Variants in DCDC2C observed in about 807,000 individuals in gnomAD.
DCDC2C encodes doublecortin domain-containing protein 2C.
DCDC2C carries 44 observed loss-of-function variants against 45.0 expected under a neutral mutation model. The ratio of observed to expected loss-of-function variants is 0.98; its 90% CI spans 0.77 to 1.26. The LOEUF (loss-of-function observed/expected upper bound fraction) is 1.26, where lower values mean the gene tolerates loss of function less well. DCDC2C is among the 50% of genes most tolerant of loss of function. The pLI is 0.00. For synonymous variants in DCDC2C, 187 were observed against 178.8 expected, an observed-to-expected ratio of 1.05 and a Z score of -0.37; for missense variants, 447 against 468.9, an observed-to-expected ratio of 0.95 and a Z score of 0.43.
chr2:3,754,380 C>G (rs558523257), intron 5 of DCDC2C, among the ~76,000 whole-genome samples: 1 of 152,188 alleles, frequency 6.6e-6, no homozygotes, highest in Non-Finnish European at 1.5e-5. Context: ...GATGGGCTAT[C>G]TGATCTGCAG....
rs1380710382 is a variant in DCDC2C at position 3,761,490 on chromosome 2, G to A, written c.727-6264G>A. 6.6e-6 allele frequency among the ~76,000 whole-genome samples: 1 copy of A among 152,206 alleles called. No homozygotes were observed. Among genetic ancestry groups the A allele is most frequent in the African/African-American group, 2.4e-5 (1 of 41,450 alleles). ...AACAGTAAATTTCACTGTGAAATGAGTGCTTTGGAATTGACATTTGCTGGC... is the reference window on the plus strand; with the variant it reads ...AACAGTAAATTTCACTGTGAAATGAATGCTTTGGAATTGACATTTGCTGGC... On this transcript the variant is annotated intron_variant, in intron 6 of 10. Coordinates refer to ENST00000399143, the MANE Select transcript of DCDC2C (RefSeq NM_001287444.2). The surrounding 1 kb of genome is among the most constrained non-coding windows in gnomAD (Gnocchi z 4.3).
In DCDC2C at chr2:3,727,429, AT is replaced by A. The variant is rs113461369; in HGVS notation, c.416+360del. 9.1e-4 allele frequency among the ~76,000 whole-genome samples: 136 copies of A among 150,070 alleles called. 1 individual carries two copies. Among genetic ancestry groups the A allele is most frequent in the Middle Eastern group, 6.9e-3 (2 of 288 alleles). On this transcript the variant is annotated intron_variant, in intron 3 of 10. Transcript: ENST00000399143. ...TTTTAGGCTCTGAAGCTTTGTTTTG[AT>A]TTTTTTTTTAATGTAGCAGTTGCAG...
chr2:3,704,064 G>T, intron 1 of DCDC2C, 26 bp downstream of exon 1: 2 of 1,243,318 alleles, frequency 1.6e-6, no homozygotes, highest in Non-Finnish European at 2.0e-6. Context: ...CCCCCCACGC[G>T]CCCTGCGCCC....
At chr2:3,811,110 T>C (rs1164832660) in intron 10 of DCDC2C, among the ~76,000 whole-genome samples, 1 of 152,258 alleles carries the variant, frequency 6.6e-6, no homozygotes, top group Non-Finnish European at 1.5e-5. Flanking sequence ...TTTCTAATTC[T>C]GTGAAGAATG....
chr2:3,720,894 G>A (rs966197735), intron 2 of DCDC2C, among the ~76,000 whole-genome samples: 7 of 152,208 alleles, frequency 4.6e-5, no homozygotes, highest in Admixed American at 1.3e-4. Flanking sequence ...TGGGCCTAGC[G>A]TTGTCTTTGT....
At chr2:3,770,605 T>A (rs926287624) in intron 8 of DCDC2C, among the ~76,000 whole-genome samples, 5 of 152,214 alleles carry the variant, frequency 3.3e-5, no homozygotes, top group African/African-American at 1.2e-4. Context: ...ATTGCCCACT[T>A]AAGAGTTTTC....
At chr2:3,837,450 G>A (rs984110689) in intron 10 of DCDC2C, among the ~76,000 whole-genome samples, 2 of 152,242 alleles carry the variant, frequency 1.3e-5, no homozygotes, top group East Asian at 1.9e-4. Flanking sequence ...GGGGACACTC[G>A]GAGGGAACTA....
intron 6 of DCDC2C, among the ~76,000 whole-genome samples, chr2:3,756,003 T>C (rs938900362): frequency 6.6e-6 from 1 of 152,070 alleles, no homozygotes; most frequent in African/African-American, 2.4e-5. Context: ...GAAACATTTG[T>C]GTGTGTAGAT....
intron 9 of DCDC2C, among the ~76,000 whole-genome samples, chr2:3,781,886 A>G (rs550760992): frequency 6.6e-6 from 1 of 152,254 alleles, no homozygotes; most frequent in African/African-American, 2.4e-5. Flanking sequence ...AACAACAATT[A>G]CTACTATATA....
At chr2:3,797,393 A>G (rs1216217080) in intron 10 of DCDC2C, among the ~76,000 whole-genome samples, 1 of 150,848 alleles carries the variant, frequency 6.6e-6, no homozygotes, top group Non-Finnish European at 1.5e-5. Context: ...GATTTTAGTT[A>G]TTTCTTGCCT....
chr2:3,750,412 G>A (rs944902801), intron 4 of DCDC2C, among the ~76,000 whole-genome samples: 5 of 152,044 alleles, frequency 3.3e-5, no homozygotes, highest in Non-Finnish European at 5.9e-5. Context: ...ATTTAACCAC[G>A]TCCTCTAAAA....
chr2:3,712,262 C>T (rs745466918), intron 2 of DCDC2C, among the ~76,000 whole-genome samples: 1 of 152,140 alleles, frequency 6.6e-6, no homozygotes, highest in Non-Finnish European at 1.5e-5. Context: ...CCGAAGGCTG[C>T]CCGTCACTCC....
rs146333350 is a variant in DCDC2C, at chr2:3,806,405, G to T, written c.1065+21305G>T. 3.2e-3 allele frequency among the ~76,000 whole-genome samples: 481 copies of T among 152,342 alleles called. 6 individuals carry two copies. The highest frequency in any genetic ancestry group is 0.011 in the African/African-American group (438 of 41,578). ...CTGTTCTGCAGCAGAGAGGGAAACA[G>T]AGCGAAGCTCGCCTGTGTTCTGTGA... On this transcript the variant is annotated intron_variant, in intron 10 of 10. Coordinates refer to ENST00000399143, the MANE Select transcript of DCDC2C (RefSeq NM_001287444.2).
chr2:3,749,051 AAGAT>A (rs1415918942), intron 4 of DCDC2C, among the ~76,000 whole-genome samples: 2 of 152,210 alleles, frequency 1.3e-5, no homozygotes, highest in Non-Finnish European at 2.9e-5. Context: ...AAATTCTTGT[AAGAT>A]AGACTGTACC....
intron 2 of DCDC2C, among the ~76,000 whole-genome samples, chr2:3,718,294 T>C (rs1438928962): frequency 6.6e-6 from 1 of 152,190 alleles, no homozygotes; most frequent in Non-Finnish European, 1.5e-5. Context: ...AGGTCTTGCT[T>C]CTGAGTGGGG....
chr2:3,841,128 T>C (rs1348500851), intron 10 of DCDC2C, among the ~76,000 whole-genome samples: 1 of 152,208 alleles, frequency 6.6e-6, no homozygotes, highest in Non-Finnish European at 1.5e-5. Context: ...TTATAATATT[T>C]TGTAAAGAAA....
intron 10 of DCDC2C, among the ~76,000 whole-genome samples, chr2:3,840,892 C>A (rs548683273): frequency 6.6e-6 from 1 of 152,182 alleles, no homozygotes; most frequent in African/African-American, 2.4e-5. Context: ...ACCAAGCTTC[C>A]CACTGACAGG....
chr2:3,723,221 C>T (rs148635081), intron 2 of DCDC2C, among the ~76,000 whole-genome samples: 209 of 152,252 alleles, frequency 1.4e-3, no homozygotes, highest in Middle Eastern at 6.8e-3. Flanking sequence ...TGGTTGAACA[C>T]GACAACCAGG....
intron 10 of DCDC2C, among the ~76,000 whole-genome samples, chr2:3,815,430 T>G (rs1013496064): frequency 6.6e-6 from 1 of 152,248 alleles, no homozygotes; most frequent in African/African-American, 2.4e-5. Context: ...ATGCTTATTA[T>G]GGTTTTCTTC....
Sources: allele counts gnomAD v4.1 joint callset (sites outside exome capture counted in the v4.1 genomes callset), GRCh38; gene constraint gnomAD v4.1.1; non-coding constraint Gnocchi (gnomAD v3.1); transcripts MANE v1.5; gene names NCBI Gene and HGNC (gene_info 2026-07-23, HGNC 2026-07-21).